Variants in CDH2 observed in about 807,000 individuals in gnomAD.
The protein encoded by CDH2 is cadherin 2, also known as cadherin-2.
CDH2 carries 17 observed loss-of-function variants against 92.0 expected under a neutral mutation model. That is an observed-to-expected ratio of 0.18 (90% CI 0.13 to 0.28). The LOEUF (loss-of-function observed/expected upper bound fraction) is 0.28. Ranked by LOEUF, CDH2 falls within the 10% of genes least tolerant of loss-of-function variation. The pLI, the probability that CDH2 is intolerant of heterozygous loss-of-function variation, is 1.00. For missense variants in CDH2, 862 were observed against 1,133.1 expected (o/e 0.76, Z 3.44); for synonymous variants, 419 against 415.9 (o/e 1.01, Z -0.09).
At chr18:28,063,029 T>C (rs930182017) in intron 2 of CDH2, among the ~76,000 whole-genome samples, 3 of 152,188 alleles carry the variant, frequency 2.0e-5, no homozygotes, top group Non-Finnish European at 4.4e-5. Flanking sequence ...AACTATGTTA[T>C]AATAGCATTT....
At chr18:28,126,062 T>C (rs374681058) in intron 2 of CDH2, among the ~76,000 whole-genome samples, 1 of 152,178 alleles carries the variant, frequency 6.6e-6, no homozygotes, top group Non-Finnish European at 1.5e-5. Flanking sequence ...AAAAACATGA[T>C]ATTTAATAAA....
Position 27,945,323 on chromosome 18 carries a change from A to ATTTTTTTTTTTTTTTTTTTTTTTTTT in CDH2, c.1152-12225_1152-12200dup, listed in dbSNP as rs66537834. 1.1e-4 allele frequency among the ~76,000 whole-genome samples: 7 copies of ATTTTTTTTTTTTTTTTTTTTTTTTTT among 66,460 alleles called. 1 individual carries two copies. Among genetic ancestry groups the ATTTTTTTTTTTTTTTTTTTTTTTTTT allele is most frequent in the African/African-American group, 3.5e-4 (6 of 16,962 alleles). The allele number at this position is 66,460 out of a possible 152,430, so 43.6% of individuals were successfully genotyped here. On this transcript the variant is annotated intron_variant, in intron 6 of 6. Coordinates refer to the CDH2 transcript ENST00000675173. ...CAACTGATACTTTCCAGGAAGGAAG[A>ATTTTTTTTTTTTTTTTTTTTTTTTTT]TTTTTTTTTTTTTTTTTTTTTTTTT...
intron 2 of CDH2, among the ~76,000 whole-genome samples, chr18:28,127,407 T>C (rs1328411449): frequency 6.6e-6 from 1 of 152,174 alleles, no homozygotes; most frequent in Non-Finnish European, 1.5e-5. Context: ...AGTGACAGGC[T>C]GTTCCAGCCC....
intron 2 of CDH2, among the ~76,000 whole-genome samples, chr18:28,026,708 C>T (rs767825906): frequency 6.6e-6 from 1 of 152,166 alleles, no homozygotes; most frequent in Admixed American, 6.6e-5. Flanking sequence ...ACATTAAAAA[C>T]TAAAAAACAG....
At chr18:28,161,944 G>C (rs888220664) in intron 1 of CDH2, among the ~76,000 whole-genome samples, 1 of 152,182 alleles carries the variant, frequency 6.6e-6, no homozygotes, top group Admixed American at 6.5e-5. Context: ...CTATAGGTCC[G>C]TAAGCTTCGA....
chr18:28,146,490 T>C (rs926144708), intron 2 of CDH2: 5 of 152,032 alleles, frequency 3.3e-5, no homozygotes, highest in Non-Finnish European at 7.4e-5. Context: ...AACTCAAACA[T>C]TCACCCATTA....
chr18:28,009,823 C>G lies in CDH2; in HGVS notation c.596G>C (p.Gly199Ala). ...AGTTGGAGGCTGGTCAGCTCCTGGC[C>G]CAGTTACACTGTACCGCAGTGAAAG... The part of the protein sequence containing the change: ...KNLSLRYSVT[G>A]PGADQPPTGI... Residue 199 changes from glycine to alanine, a missense_variant, in exon 5 of 16, where the codon GGG becomes GCG. Gly to Ala is a moderately conservative substitution (Grantham distance 60). Coordinates refer to ENST00000269141, the MANE Select transcript of CDH2 (RefSeq NM_001792.5). 6.2e-7 allele frequency: 1 copy of G among 1,613,774 alleles called. No homozygotes were observed. The highest frequency in any genetic ancestry group is 8.5e-7 in the Non-Finnish European group (1 of 1,179,880).
At chr18:28,173,625 T>C (rs1673067780) in intron 1 of CDH2, among the ~76,000 whole-genome samples, 1 of 152,120 alleles carries the variant, frequency 6.6e-6, no homozygotes, top group African/African-American at 2.4e-5. Flanking sequence ...CACGCAGGGT[T>C]GAAACCAGGA....
intron 2 of CDH2, among the ~76,000 whole-genome samples, chr18:28,071,295 G>T (rs535592242): frequency 6.6e-6 from 1 of 151,896 alleles, no homozygotes; most frequent in Non-Finnish European, 1.5e-5. Context: ...CGTATGTGCC[G>T]GTTCCTAAAG....
chr18:27,985,673 T>C lies in CDH2; in HGVS notation c.1830A>G (p.Ala610=), dbSNP rs1362820537. Reference sequence around the variant, plus strand: ...TGGGGTCTGGAGTTTCGCAAGTCTCTGCCTCTTGAGGTAACACTTGAGGGG... The same window carrying C: ...TGGGGTCTGGAGTTTCGCAAGTCTCCGCCTCTTGAGGTAACACTTGAGGGG... ...DNAPQVLPQE[A]ETCETPDPNS... Residue 610 remains alanine (A), a synonymous_variant, in exon 12 of 16, where the codon GCA becomes GCG. Coordinates refer to ENST00000269141, the MANE Select transcript of CDH2 (RefSeq NM_001792.5). 3 of 1,613,964 alleles carry C rather than the reference T, an allele frequency of 1.9e-6. No individual in the cohort carries two copies. Among genetic ancestry groups the C allele is most frequent in the East Asian group, 2.2e-5 (1 of 44,878 alleles).
intron 14 of CDH2, among the ~76,000 whole-genome samples, chr18:27,964,403 G>A (rs2011487088): frequency 6.6e-6 from 1 of 152,190 alleles, no homozygotes; most frequent in Non-Finnish European, 1.5e-5. Context: ...CCACATTTAA[G>A]GTTTGGGCAA....
At chr18:28,094,652 G>A (rs1326175573) in intron 2 of CDH2, among the ~76,000 whole-genome samples, 1 of 151,884 alleles carries the variant, frequency 6.6e-6, no homozygotes, top group African/African-American at 2.4e-5. Flanking sequence ...AAATTAGACA[G>A]GTGTGGTGGC....
At chr18:27,986,124 C>G (rs888982179) in intron 11 of CDH2, among the ~76,000 whole-genome samples, 1 of 152,120 alleles carries the variant, frequency 6.6e-6, no homozygotes, top group South Asian at 2.1e-4. Flanking sequence ...GGCTCGTGAT[C>G]CTGTTGACAC....
At chr18:28,050,908 T>C (rs2014178289) in intron 2 of CDH2, among the ~76,000 whole-genome samples, 1 of 152,230 alleles carries the variant, frequency 6.6e-6, no homozygotes, top group Non-Finnish European at 1.5e-5. Context: ...ATCATTAAGA[T>C]AATTCAGTCT....
intron 1 of CDH2, among the ~76,000 whole-genome samples, chr18:28,172,488 C>T (rs1257445498): frequency 1.3e-5 from 2 of 151,766 alleles, no homozygotes; most frequent in Admixed American, 1.3e-4. Context: ...ATGTCTTTTT[C>T]TGAAAAATTA....
intron 2 of CDH2, among the ~76,000 whole-genome samples, chr18:28,085,691 G>C (rs1220015): frequency 0.54 from 82,146 of 151,874 alleles, 23,025 homozygotes; most frequent in African/African-American, 0.69. Flanking sequence ...GTCACACATC[G>C]GATGGAAATC....
At chr18:28,018,633 C>T (rs896474795) in intron 2 of CDH2, among the ~76,000 whole-genome samples, 6 of 151,840 alleles carry the variant, frequency 4.0e-5, no homozygotes, top group Non-Finnish European at 7.4e-5. Context: ...GTAATACCAC[C>T]TCACTCTGTA....
intron 2 of CDH2, among the ~76,000 whole-genome samples, chr18:28,097,695 G>T (rs1011973329): frequency 6.6e-6 from 1 of 152,166 alleles, no homozygotes; most frequent in South Asian, 2.1e-4. Flanking sequence ...TTTTATCAGA[G>T]ATTTGAGCAT....
intron 2 of CDH2, among the ~76,000 whole-genome samples, chr18:28,134,201 C>T (rs957229140): frequency 7.4e-5 from 11 of 148,812 alleles, no homozygotes; most frequent in African/African-American, 2.7e-4. Flanking sequence ...ACCCAGGAGG[C>T]AGAGGTTTCA....
Sources: allele counts gnomAD v4.1 joint callset (sites outside exome capture counted in the v4.1 genomes callset), GRCh38; gene constraint gnomAD v4.1.1; transcripts MANE v1.5; gene names NCBI Gene and HGNC (gene_info 2026-07-23, HGNC 2026-07-21).